Variants in SLC2A14 observed in about 807,000 individuals in gnomAD.
The protein encoded by SLC2A14 is solute carrier family 2 member 14, also known as solute carrier family 2, facilitated glucose transporter member 14.
Under a neutral mutation model 43.0 loss-of-function variants are expected in SLC2A14, and 13 were observed. The ratio of observed to expected loss-of-function variants is 0.30; its 90% confidence interval spans 0.20 to 0.48. The LOEUF (loss-of-function observed/expected upper bound fraction) is 0.48. SLC2A14 is among the 20% of genes least tolerant of loss of function. The pLI is 0.99. For missense variants in SLC2A14, 428 were observed against 620.4 expected, an observed-to-expected ratio of 0.69 and a Z score of 3.29; for synonymous variants, 190 against 233.8, an observed-to-expected ratio of 0.81 and a Z score of 1.71.
chr12:7,857,808 G>T (rs967446569), intron 2 of SLC2A14, among the ~76,000 whole-genome samples: 1 of 151,912 alleles, frequency 6.6e-6, no homozygotes, highest in African/African-American at 2.4e-5. Context: ...TTACAGGCAG[G>T]TGCTGCTGGG....
In SLC2A14 at chr12:7,864,475, A is replaced by G. The variant is rs142031226; in HGVS notation, c.18+5388T>C. Among the ~76,000 whole-genome samples the G allele has an allele frequency of 1.5e-3, 233 of 152,074 alleles. 2 individuals carry two copies. Among genetic ancestry groups the G allele is most frequent in the African/African-American group, 5.1e-3 (210 of 41,490 alleles). On this transcript the variant is annotated intron_variant, in intron 2 of 10. Coordinates refer to ENST00000431042, the MANE Select transcript of SLC2A14 (RefSeq NM_001286234.2). ...TGCCTCAGCCTTCCAACTAGCTGGG[A>G]CTGCAGGTGCGCACCACCATGCCTG...
At chr12:7,856,991 C>T (rs2120967089) in intron 2 of SLC2A14, among the ~76,000 whole-genome samples, 1 of 152,196 alleles carries the variant, frequency 6.6e-6, no homozygotes, top group East Asian at 1.9e-4. Context: ...GTGGCTCACG[C>T]CTGTAATCCC....
intron 1 of SLC2A14, chr12:7,870,947 A>C: frequency 4.9e-6 from 7 of 1,430,406 alleles, no homozygotes; most frequent in Non-Finnish European, 6.6e-6. Context: ...CCAGTTCCAC[A>C]TCCAGGAGTT....
Position 7,826,586 on chromosome 12 carries a change from G to A in SLC2A14, c.864+909C>T, listed in dbSNP as rs927498753. On this transcript the variant is annotated intron_variant, in intron 7 of 10. Coordinates refer to ENST00000431042, the MANE Select transcript of SLC2A14 (RefSeq NM_001286234.2). ...AAGTACAAGGGTGCTCTTCATATCC[G>A]TATTTTATCCACAATTGACTAGAAG... Among the ~76,000 whole-genome samples the A allele has an allele frequency of 4.6e-5, 7 of 152,144 alleles. No homozygotes were observed. In the South Asian group the frequency reaches 1.2e-3, roughly 27 times the overall value.
rs200996207 is a variant in SLC2A14, at chr12:7,828,682, C to A, written c.676+22G>T. On this transcript the variant is annotated intron_variant, in intron 6 of 10. Transcript: ENST00000431042. Reference sequence around the variant, plus strand: ...AAACCACAACCATATACTTTGTATACTAAAGAGTGAAAGATACTCACTCCG... The same window carrying A: ...AAACCACAACCATATACTTTGTATAATAAAGAGTGAAAGATACTCACTCCG... 487 of 1,613,030 alleles carry A rather than the reference C, an allele frequency of 3.0e-4. 1 individual carries two copies. Among genetic ancestry groups the A allele is most frequent in the Middle Eastern group, 1.6e-4 (1 of 6,082 alleles).
At chr12:7,879,289 C>T (rs111796543) in intron 1 of SLC2A14, among the ~76,000 whole-genome samples, 4,332 of 141,752 alleles carry the variant, frequency 0.031, 122 homozygotes, top group South Asian at 0.053. Flanking sequence ...GCCTGGAAAA[C>T]CTAGCAAGAC....
chr12:7,827,091 CTTTCTCTTTCTT>C (rs201630852), intron 7 of SLC2A14, among the ~76,000 whole-genome samples: 2,088 of 111,330 alleles, frequency 0.019, 57 homozygotes, highest in East Asian at 0.059. Context: ...TTCTTTCTTT[CTTTCTCTTTCTT>C]TCTTTCTTTC....
intron 2 of SLC2A14, among the ~76,000 whole-genome samples, chr12:7,862,833 T>A (rs892434082): frequency 6.6e-6 from 1 of 152,054 alleles, no homozygotes; most frequent in Non-Finnish European, 1.5e-5. Flanking sequence ...CCTTGGAGAA[T>A]CTGTGTGTGG....
intron 2 of SLC2A14, among the ~76,000 whole-genome samples, chr12:7,833,488 C>T (rs1254029224): frequency 6.6e-6 from 1 of 152,158 alleles, no homozygotes; most frequent in Non-Finnish European, 1.5e-5. Context: ...CATTTCTGGC[C>T]GGGCACGGTG....
At chr12:7,828,364 CAA>C (rs34164271) in intron 6 of SLC2A14, among the ~76,000 whole-genome samples, 48,231 of 142,158 alleles carry the variant, frequency 0.34, 8,711 homozygotes, top group Admixed American at 0.43. Context: ...GACTCTGTCT[CAA>C]AAAAAAAAAA....
At chr12:7,816,475 G>GTA (rs1565490942) in intron 10 of SLC2A14, among the ~76,000 whole-genome samples, 33 of 149,520 alleles carry the variant, frequency 2.2e-4, no homozygotes, top group Middle Eastern at 3.5e-3. Context: ...CTGACCTCAT[G>GTA]ATCCTCCCAC....
chr12:7,855,513 G>T (rs1867286861), intron 2 of SLC2A14, among the ~76,000 whole-genome samples: 1 of 152,078 alleles, frequency 6.6e-6, no homozygotes, highest in African/African-American at 2.4e-5. Flanking sequence ...AGCTTAAGAA[G>T]AAATCTAAAC....
In SLC2A14 at chr12:7,828,882, A is replaced by T. The variant is rs746953468; in HGVS notation, c.514-16T>A. The T allele has an allele frequency of 1.2e-6, 2 of 1,612,098 alleles. No individual in the cohort carries two copies. The highest frequency in any genetic ancestry group is 1.7e-6 in the Non-Finnish European group (2 of 1,178,994). ...GACCAAAGATCTAGAAACCACACAA[A>T]GATAATGCTATAAACCCCATACTTC... On this transcript the variant is annotated splice_polypyrimidine_tract_variant and intron_variant, in intron 5 of 10. Coordinates refer to ENST00000431042, the MANE Select transcript of SLC2A14 (RefSeq NM_001286234.2).
intron 2 of SLC2A14, among the ~76,000 whole-genome samples, chr12:7,833,251 G>C (rs780377782): frequency 2.4e-4 from 37 of 152,156 alleles, no homozygotes; most frequent in Non-Finnish European, 4.9e-4. Context: ...CTCCACGGAA[G>C]CCCAGTGGTG....
chr12:7,879,555 G>A (rs1945530106), intron 1 of SLC2A14, among the ~76,000 whole-genome samples: 1 of 151,980 alleles, frequency 6.6e-6, no homozygotes, highest in African/African-American at 2.4e-5. Flanking sequence ...ATGCTGACAG[G>A]TGCCTGTAAT....
chr12:7,832,921 G>A (rs951406603), intron 2 of SLC2A14, 107 bp from the exon 3 acceptor site: 2 of 1,023,390 alleles, frequency 2.0e-6, no homozygotes, highest in Admixed American at 2.4e-5. Flanking sequence ...ACCTATGAGT[G>A]GTATGAAAAG....
intron 4 of SLC2A14, 100 bp from the exon 5 acceptor site, chr12:7,830,106 C>G (rs1322808829): frequency 2.1e-6 from 3 of 1,453,468 alleles, no homozygotes; most frequent in Non-Finnish European, 2.8e-6. Flanking sequence ...AGGCTTATAT[C>G]AACTCCTTTT....
intron 1 of SLC2A14, among the ~76,000 whole-genome samples, chr12:7,882,555 G>A (rs966800486): frequency 2.0e-5 from 3 of 152,048 alleles, no homozygotes; most frequent in Admixed American, 6.6e-5. Flanking sequence ...TGAGGCTAGC[G>A]TCGGCAGTGG....
At chr12:7,882,135 T>A (rs1945589372) in intron 1 of SLC2A14, among the ~76,000 whole-genome samples, 1 of 151,984 alleles carries the variant, frequency 6.6e-6, no homozygotes, top group Non-Finnish European at 1.5e-5. Flanking sequence ...TGCTGCTCAG[T>A]TTTTGGGTCT....
Sources: gnomAD v4.1 joint callset for allele counts (sites outside exome capture counted in the v4.1 genomes callset) on GRCh38, gnomAD v4.1.1 for gene constraint, MANE v1.5 for transcripts, NCBI Gene and HGNC (gene_info 2026-07-23, HGNC 2026-07-21) for gene names.